LRRTM3: variants seen among roughly 807,000 people sequenced by gnomAD.
LRRTM3 encodes the protein leucine-rich repeat transmembrane neuronal protein 3.
Under a neutral mutation model 44.7 loss-of-function variants are expected in LRRTM3, and 24 were observed. That is an observed-to-expected ratio of 0.54 (90% CI 0.39 to 0.76). LRRTM3 has a LOEUF of 0.76. Among genes scored for constraint, LRRTM3 ranks in the 30% least tolerant of loss-of-function variants. The pLI, the probability that LRRTM3 is intolerant of heterozygous loss-of-function variation, is 0.00. For missense variants in LRRTM3, 587 were observed against 702.2 expected, an observed-to-expected ratio of 0.84 and a Z score of 1.85; for synonymous variants, 277 against 278.7, an observed-to-expected ratio of 0.99 and a Z score of 0.06.
chr10:67,036,304 T>C (rs1214279070), intron 2 of LRRTM3, among the ~76,000 whole-genome samples: 1 of 151,598 alleles, frequency 6.6e-6, no homozygotes, highest in African/African-American at 2.4e-5. Context: ...AGTTTTGCTC[T>C]TGTTGCCCAG....
intron 2 of LRRTM3, among the ~76,000 whole-genome samples, chr10:66,966,581 G>A (rs1344813677): frequency 6.6e-6 from 1 of 151,788 alleles, no homozygotes; most frequent in Non-Finnish European, 1.5e-5. Flanking sequence ...GCCAACTGTA[G>A]GTCAGTTTTA....
chr10:66,986,322 C>A (rs1431031338), intron 2 of LRRTM3, among the ~76,000 whole-genome samples: 1 of 151,978 alleles, frequency 6.6e-6, no homozygotes, highest in Non-Finnish European at 1.5e-5. Flanking sequence ...CATGGTGAAA[C>A]CCCATCTCTA....
At position 66,926,606 on chromosome 10, in the gene LRRTM3, C is replaced by T; in HGVS notation, c.4+19C>T. 6.2e-7 allele frequency: 1 copy of T among 1,613,416 alleles called. No individual in the cohort carries two copies. On this transcript the variant is annotated intron_variant, in intron 1 of 2. Coordinates refer to ENST00000361320, the MANE Select transcript of LRRTM3 (RefSeq NM_178011.5). ...AGGATGGGTATGTTTTGTCATTTTT[C>T]TTCTTTCCTTCTTAAAAACAAAAAA...
chr10:67,065,480 T>A (rs1054230572), intron 2 of LRRTM3, among the ~76,000 whole-genome samples: 1 of 152,184 alleles, frequency 6.6e-6, no homozygotes, highest in Non-Finnish European at 1.5e-5. Context: ...AAAAGTATTA[T>A]GACAGAAACT....
intron 2 of LRRTM3, among the ~76,000 whole-genome samples, chr10:66,981,246 G>A (rs1476478009): frequency 6.6e-6 from 1 of 152,154 alleles, no homozygotes; most frequent in Admixed American, 6.5e-5. Flanking sequence ...TCAATATCCT[G>A]ACTACAGTTA....
rs774186675 is a variant in LRRTM3 at position 66,927,299 on chromosome 10, C to T, written c.383C>T (p.Thr128Ile). Residue 128 changes from threonine (T) to isoleucine (I), a missense_variant, in exon 2 of 3, where the codon ACC (threonine) becomes ATC (isoleucine). Coordinates refer to ENST00000361320, the MANE Select transcript of LRRTM3 (RefSeq NM_178011.5). The surrounding 1 kb of genome is among the most constrained non-coding windows in gnomAD (Gnocchi z 4.7). Reference protein sequence around the residue: ...SNRISYFLNNTFRPVTNLRNL... With the variant: ...SNRISYFLNNIFRPVTNLRNL... Reference sequence around the variant, plus strand: ...AGAATCTCCTATTTTCTTAACAATACCTTCAGACCTGTGACAAATTTACGG... The same window carrying T: ...AGAATCTCCTATTTTCTTAACAATATCTTCAGACCTGTGACAAATTTACGG... The T allele has an allele frequency of 1.9e-6, 3 of 1,613,992 alleles. No homozygotes were observed. The highest frequency in any genetic ancestry group is 2.7e-5 in the African/African-American group (2 of 74,906).
At chr10:67,019,785 A>G (rs770767410) in intron 2 of LRRTM3, among the ~76,000 whole-genome samples, 1 of 152,070 alleles carries the variant, frequency 6.6e-6, no homozygotes, top group Non-Finnish European at 1.5e-5. Flanking sequence ...GTCCTATTTG[A>G]CTTTTGATGC....
At chr10:66,968,525 A>C (rs1849555489) in intron 2 of LRRTM3, among the ~76,000 whole-genome samples, 1 of 151,924 alleles carries the variant, frequency 6.6e-6, no homozygotes, top group Non-Finnish European at 1.5e-5. Context: ...CATATCTAAA[A>C]AAACGTGGTT....
intron 2 of LRRTM3, among the ~76,000 whole-genome samples, chr10:67,072,794 G>C (rs1319953336): frequency 3.3e-5 from 5 of 152,156 alleles, no homozygotes; most frequent in African/African-American, 9.7e-5. Context: ...TTCAAAAAGA[G>C]TTCAATGGTA....
chr10:67,075,482 G>A (rs564313838), intron 2 of LRRTM3, among the ~76,000 whole-genome samples: 1 of 152,158 alleles, frequency 6.6e-6, no homozygotes, highest in Non-Finnish European at 1.5e-5. Context: ...AGATGGAAAA[G>A]AGATAAGAAA....
At chr10:67,000,695 G>T (rs957631765) in intron 2 of LRRTM3, among the ~76,000 whole-genome samples, 1 of 152,090 alleles carries the variant, frequency 6.6e-6, no homozygotes, top group Non-Finnish European at 1.5e-5. Context: ...GAATTCAATA[G>T]AAGAAATCTT....
intron 2 of LRRTM3, among the ~76,000 whole-genome samples, chr10:67,035,558 A>T (rs1158407394): frequency 1.3e-5 from 2 of 152,168 alleles, no homozygotes; most frequent in African/African-American, 4.8e-5. Flanking sequence ...AACTCGGAGA[A>T]CTTTTTGACA....
intron 2 of LRRTM3, among the ~76,000 whole-genome samples, chr10:67,048,865 TCTC>T (rs1160989421): frequency 1.4e-4 from 21 of 152,220 alleles, no homozygotes; most frequent in African/African-American, 4.6e-4. Flanking sequence ...CTAAAGCTGT[TCTC>T]CTCCTTTTTA....
chr10:66,935,764 C>T (rs1053263409), intron 2 of LRRTM3, among the ~76,000 whole-genome samples: 7 of 150,826 alleles, frequency 4.6e-5, no homozygotes, highest in Non-Finnish European at 1.0e-4. Flanking sequence ...GTGTTTTATG[C>T]GTTTCGTAAA....
chr10:67,068,674 T>C (rs746569881), intron 2 of LRRTM3, among the ~76,000 whole-genome samples: 21 of 152,140 alleles, frequency 1.4e-4, no homozygotes, highest in Non-Finnish European at 2.8e-4. Context: ...TTTAATAAAA[T>C]GAGTTATCAA....
At chr10:67,038,940 A>G (rs2133137588) in intron 2 of LRRTM3, among the ~76,000 whole-genome samples, 1 of 152,228 alleles carries the variant, frequency 6.6e-6, no homozygotes, top group South Asian at 2.1e-4. Context: ...CATATGTAAA[A>G]AATAGTCTTT....
In LRRTM3 at chr10:66,933,456, A is replaced by G. The variant is rs538219777; in HGVS notation, c.1536+5004A>G. On this transcript the variant is annotated intron_variant, in intron 2 of 2. Coordinates refer to ENST00000361320, the MANE Select transcript of LRRTM3 (RefSeq NM_178011.5). ...ACGTTTACCTGTCCACTCCCTTTCTAGTATCATTGTGTTCAATCCTTGTTG... is the reference window on the plus strand; with the variant it reads ...ACGTTTACCTGTCCACTCCCTTTCTGGTATCATTGTGTTCAATCCTTGTTG... 2.6e-4 allele frequency among the ~76,000 whole-genome samples: 40 copies of G among 152,336 alleles called. 2 individuals carry two copies. In the South Asian group the frequency reaches 7.2e-3, roughly 28 times the overall value.
chr10:66,966,505 C>G lies in LRRTM3; in HGVS notation c.1536+38053C>G, dbSNP rs528642040. On this transcript the variant is annotated intron_variant, in intron 2 of 2. Coordinates refer to ENST00000361320, the MANE Select transcript of LRRTM3 (RefSeq NM_178011.5). ...AATATATTTTTTTTTTCAGGATATACCTTTCAGATTATTCAAAGAAATAGC... is the reference window on the plus strand; with the variant it reads ...AATATATTTTTTTTTTCAGGATATAGCTTTCAGATTATTCAAAGAAATAGC... Among the ~76,000 whole-genome samples, 629 of 151,102 alleles carry G rather than the reference C, an allele frequency of 4.2e-3. 35 individuals are homozygous for G. In the East Asian group the frequency reaches 0.1, roughly 25 times the overall value.
intron 2 of LRRTM3, among the ~76,000 whole-genome samples, chr10:67,048,474 A>G (rs984747680): frequency 6.6e-6 from 1 of 152,122 alleles, no homozygotes; most frequent in Non-Finnish European, 1.5e-5. Flanking sequence ...AAAAGCAATA[A>G]TATATGCAAA....
Sources: allele counts gnomAD v4.1 joint callset (sites outside exome capture counted in the v4.1 genomes callset), GRCh38; gene constraint gnomAD v4.1.1; non-coding constraint Gnocchi (gnomAD v3.1); transcripts MANE v1.5; gene names NCBI Gene and HGNC (gene_info 2026-07-23, HGNC 2026-07-21).